CDYL: variants seen among roughly 807,000 people sequenced by gnomAD.
CDYL encodes the protein chromodomain Y like.
In CDYL, 8 loss-of-function variants were observed where a neutral mutation model predicts 47.3. The observed-to-expected ratio is 0.17, with a 90% confidence interval of 0.10 to 0.31. The LOEUF (loss-of-function observed/expected upper bound fraction) is 0.31. Among genes scored for constraint, CDYL ranks in the 10% least tolerant of loss-of-function variants. CDYL has a pLI of 1.00. For synonymous variants in CDYL, 266 were observed against 265.0 expected, an observed-to-expected ratio of 1.00 and a Z score of -0.04; for missense variants, 471 against 701.4, an observed-to-expected ratio of 0.67 and a Z score of 3.71.
chr6:4,919,459 A>T (rs1366064131), intron 2 of CDYL, among the ~76,000 whole-genome samples: 2 of 152,216 alleles, frequency 1.3e-5, no homozygotes, highest in African/African-American at 4.8e-5. Context: ...TTCAGATTTC[A>T]CATTTGTCAG....
chr6:4,714,885 C>T (rs1227711537), intron 1 of CDYL: 1 of 152,202 alleles, frequency 6.6e-6, no homozygotes, highest in African/African-American at 2.4e-5. Flanking sequence ...CTTGATGCGC[C>T]ACCTGAGTGA....
chr6:4,843,085 T>G (rs1433385670), intron 1 of CDYL, among the ~76,000 whole-genome samples: 2 of 152,202 alleles, frequency 1.3e-5, no homozygotes, highest in Non-Finnish European at 2.9e-5. Context: ...GATATAAAAT[T>G]CTTGGCTTAT....
intron 1 of CDYL, among the ~76,000 whole-genome samples, chr6:4,861,817 C>T (rs1437463545): frequency 1.3e-5 from 2 of 152,140 alleles, no homozygotes; most frequent in Non-Finnish European, 2.9e-5. Context: ...GTTGTTTGTC[C>T]TTAGGCAGTT....
intron 2 of CDYL, among the ~76,000 whole-genome samples, chr6:4,717,174 G>A (rs1757280682): frequency 6.6e-6 from 1 of 152,118 alleles, no homozygotes; most frequent in Admixed American, 6.5e-5. Context: ...GCTCACACCT[G>A]AGACTCCAGT....
At chr6:4,745,592 TA>T (rs5873950) in intron 3 of CDYL, among the ~76,000 whole-genome samples, 150,222 of 151,158 alleles carry the variant, frequency 0.99, 74,654 homozygotes, top group Middle Eastern at 1. Flanking sequence ...AAATAAAAAT[TA>T]AAAAAAAAAA....
intron 3 of CDYL, among the ~76,000 whole-genome samples, chr6:4,756,872 TG>T (rs1199363501): frequency 2.6e-5 from 4 of 152,206 alleles, no homozygotes; most frequent in African/African-American, 9.6e-5. Context: ...TTTAATAATA[TG>T]GGTTACTTTT....
chr6:4,821,268 T>A (rs1045944665), intron 1 of CDYL, among the ~76,000 whole-genome samples: 4 of 129,412 alleles, frequency 3.1e-5, no homozygotes, highest in Admixed American at 7.6e-5. Flanking sequence ...TTCTTTTTTT[T>A]TTTTTTTTTT....
At chr6:4,811,135 T>C (rs1759515293) in intron 1 of CDYL, among the ~76,000 whole-genome samples, 1 of 152,210 alleles carries the variant, frequency 6.6e-6, no homozygotes, top group Admixed American at 6.5e-5. Flanking sequence ...AGGGGACATT[T>C]TTGCATGCTC....
At chr6:4,818,629 T>C (rs1365472718) in intron 1 of CDYL, among the ~76,000 whole-genome samples, 2 of 152,224 alleles carry the variant, frequency 1.3e-5, no homozygotes, top group Non-Finnish European at 2.9e-5. Context: ...TGTGGGTGCC[T>C]TGTTTTCCTA....
At chr6:4,940,107 G>T (rs1013232395) in intron 4 of CDYL, among the ~76,000 whole-genome samples, 1 of 152,176 alleles carries the variant, frequency 6.6e-6, no homozygotes, top group Non-Finnish European at 1.5e-5. Flanking sequence ...TTTAAGTGGA[G>T]ATCTCCTTTG....
rs1757330085 is a variant in CDYL at position 4,719,431 on chromosome 6, G to A, written c.103+3550G>A. On this transcript the variant is annotated intron_variant, in intron 2 of 8. Transcript: ENST00000328908. ...TGGCCTCACCTTCCCTCCCCTCTAAGTACTTCCCACTCATCATGTGGTACC... is the reference window on the plus strand; with the variant it reads ...TGGCCTCACCTTCCCTCCCCTCTAAATACTTCCCACTCATCATGTGGTACC... Among the ~76,000 whole-genome samples the A allele has an allele frequency of 2.0e-5, 3 of 152,020 alleles. No homozygotes were observed. The South Asian group carries it at 6.2e-4, about 32-fold the overall frequency.
chr6:4,899,799 C>T (rs1756963845), intron 2 of CDYL, among the ~76,000 whole-genome samples: 1 of 152,114 alleles, frequency 6.6e-6, no homozygotes. Flanking sequence ...GGGAACGAAC[C>T]CTGCCAGCTC....
chr6:4,936,618 A>G (rs1297395068), intron 3 of CDYL, among the ~76,000 whole-genome samples: 1 of 152,184 alleles, frequency 6.6e-6, no homozygotes, highest in Non-Finnish European at 1.5e-5. Context: ...ATGCCCTAAA[A>G]TTACCAGTCC....
intron 2 of CDYL, among the ~76,000 whole-genome samples, chr6:4,914,157 G>C (rs952069404): frequency 6.6e-6 from 1 of 151,888 alleles, no homozygotes; most frequent in South Asian, 2.1e-4. Flanking sequence ...ACCTGTGGGG[G>C]TGAAGTGTTT....
At chr6:4,720,475 T>C (rs1287544813) in intron 2 of CDYL, among the ~76,000 whole-genome samples, 1 of 152,220 alleles carries the variant, frequency 6.6e-6, no homozygotes, top group Admixed American at 6.5e-5. Flanking sequence ...ACATTCTTTA[T>C]AAGGTCTTAT....
chr6:4,898,278 G>C (rs992328669), intron 2 of CDYL, among the ~76,000 whole-genome samples: 1 of 152,200 alleles, frequency 6.6e-6, no homozygotes, highest in African/African-American at 2.4e-5. Context: ...AGAGGTAGCA[G>C]CTATTCCCTG....
At chr6:4,819,252 T>C (rs1232082812) in intron 1 of CDYL, among the ~76,000 whole-genome samples, 2 of 151,982 alleles carry the variant, frequency 1.3e-5, no homozygotes, top group Admixed American at 1.3e-4. Flanking sequence ...TTAATGCTTT[T>C]ATTATAAATC....
intron 1 of CDYL, among the ~76,000 whole-genome samples, chr6:4,802,039 C>A (rs2127439580): frequency 6.6e-6 from 1 of 152,234 alleles, no homozygotes; most frequent in South Asian, 2.1e-4. Flanking sequence ...TTCCCCAATT[C>A]CAGATTTTGA....
intron 3 of CDYL, among the ~76,000 whole-genome samples, chr6:4,747,339 C>T (rs1459276591): frequency 6.6e-6 from 1 of 150,590 alleles, no homozygotes; most frequent in Non-Finnish European, 1.5e-5. Flanking sequence ...GGCATTAATG[C>T]ATTATTACCC....
Sources: gnomAD v4.1 joint callset for allele counts (sites outside exome capture counted in the v4.1 genomes callset) on GRCh38, gnomAD v4.1.1 for gene constraint, MANE v1.5 for transcripts, NCBI Gene and HGNC (gene_info 2026-07-23, HGNC 2026-07-21) for gene names.